The following TPH1 variants were observed in gnomAD, a reference collection of about 807,000 sequenced individuals.
The protein encoded by TPH1 is tryptophan 5-hydroxylase 1.
Under a neutral mutation model 49.5 loss-of-function variants are expected in TPH1, and 37 were observed. The ratio of observed to expected loss-of-function variants is 0.75; its 90% CI spans 0.58 to 0.98. TPH1 has a LOEUF of 0.98. Among genes scored for constraint, TPH1 ranks in the 50% least tolerant of loss-of-function variants. TPH1 has a pLI of 0.00. For synonymous variants in TPH1, 160 were observed against 182.1 expected, an observed-to-expected ratio of 0.88 and a Z score of 0.98; for missense variants, 487 against 523.6, an observed-to-expected ratio of 0.93 and a Z score of 0.68.
intron 2 of TPH1, among the ~76,000 whole-genome samples, chr11:18,040,047 T>C (rs1445214193): frequency 1.3e-5 from 2 of 151,300 alleles, no homozygotes; most frequent in Non-Finnish European, 2.9e-5. Context: ...TTAAATATAC[T>C]ATGACTATAT....
chr11:18,036,109 G>C lies in TPH1; in HGVS notation c.151C>G (p.Arg51Gly). 3.1e-6 allele frequency: 5 copies of C among 1,613,070 alleles called. No homozygotes were observed. Among genetic ancestry groups the C allele is most frequent in the Non-Finnish European group, 3.4e-6 (4 of 1,179,800 alleles). The change falls in exon 3 of 11, where the codon CGA becomes GGA. Residue 51 changes from arginine to glycine, a missense_variant. Transcript: ENST00000682019. ...TCTGAGTTTCTTCTTTTTGATTTTC[G>C]GGACTCGATATGTAACAGATTCACA... Reference protein sequence around the residue: ...KHVNLLHIESRKSKRRNSEFE... With the variant: ...KHVNLLHIESGKSKRRNSEFE...
intron 2 of TPH1, among the ~76,000 whole-genome samples, chr11:18,039,752 G>A (rs1448713236): frequency 1.3e-5 from 2 of 152,110 alleles, no homozygotes; most frequent in Non-Finnish European, 2.9e-5. Flanking sequence ...CACATCCTTA[G>A]TGTCTGGTGT....
rs931098659 is a variant in TPH1 at position 18,018,100 on chromosome 11, G to A, written c.*2891C>T. ...AAATTAGCGGGGCATGGTGAAGCAC[G>A]CCTGCAGTCCCAGGTTGCAGCGAGC... On this transcript the variant is annotated 3_prime_UTR_variant, in exon 11 of 11. Coordinates refer to ENST00000682019, the MANE Select transcript of TPH1 (RefSeq NM_004179.3). 4 of 151,862 alleles carry A rather than the reference G, an allele frequency of 2.6e-5. No individual in the cohort carries two copies. The highest frequency in any genetic ancestry group is 1.9e-4 in the East Asian group (1 of 5,158). The allele number at this position is 151,862 out of a possible 1,614,324, so 9.4% of individuals were successfully genotyped here. A position where few individuals can be genotyped will look rare whatever the true frequency, so the allele number is the denominator to read the frequency against.
chr11:18,023,992 G>T lies in TPH1; in HGVS notation c.931-9C>A, dbSNP rs951594436. ...ACAGTGAAAAAGTAGCACTGCAAAA[G>T]AACATCAATATTATTCTCACACACT... is the stretch of plus-strand genomic sequence containing the variant. On this transcript the variant is annotated splice_polypyrimidine_tract_variant and intron_variant, in intron 8 of 10. Transcript: ENST00000682019. 8.8e-6 allele frequency: 14 copies of T among 1,590,162 alleles called. No homozygotes were observed. Among genetic ancestry groups the T allele is most frequent in the African/African-American group, 4.0e-5 (3 of 74,442 alleles).
intron 3 of TPH1, among the ~76,000 whole-genome samples, chr11:18,035,386 CTTTCTTTTTCTTTCTTT>C (rs1405521235): frequency 1.1e-5 from 1 of 90,526 alleles, no homozygotes; most frequent in African/African-American, 4.5e-5. Context: ...TCTTTCTTTT[CTTTCTTTTTCTTTCTTT>C]TTTCTTTCTT....
At chr11:18,032,539 T>C (rs1308577364) in intron 4 of TPH1, among the ~76,000 whole-genome samples, 2 of 75,012 alleles carry the variant, frequency 2.7e-5, no homozygotes, top group Non-Finnish European at 5.7e-5. Flanking sequence ...GTTGAAATCT[T>C]TTTTTTTTTT....
chr11:18,045,734 G>A (rs1380028953), intron 1 of TPH1, among the ~76,000 whole-genome samples: 1 of 152,132 alleles, frequency 6.6e-6, no homozygotes, highest in Non-Finnish European at 1.5e-5. Context: ...TGGTGATGAT[G>A]GTAAGTGCGA....
chr11:18,021,251 C>G (rs933003620), intron 10 of TPH1, 86 bp from the exon 11 acceptor site: 76 of 1,393,854 alleles, frequency 5.5e-5, no homozygotes, highest in African/African-American at 1.4e-5. Flanking sequence ...ATTTCACATA[C>G]TAGGCAAAAA....
At chr11:18,039,203 T>C (rs183739129) in intron 2 of TPH1, among the ~76,000 whole-genome samples, 2 of 152,348 alleles carry the variant, frequency 1.3e-5, no homozygotes, top group African/African-American at 2.4e-5. Context: ...AGCTATATAA[T>C]AGTATGTCAT....
chr11:18,031,656 G>A (rs1292142521), intron 4 of TPH1, among the ~76,000 whole-genome samples: 1 of 152,094 alleles, frequency 6.6e-6, no homozygotes, highest in Non-Finnish European at 1.5e-5. Context: ...AAATACCTAG[G>A]AGGTGAAAAT....
chr11:18,026,561 A>C lies in TPH1; in HGVS notation c.732T>G (p.Gly244=). 6.2e-7 allele frequency: 1 copy of C among 1,614,072 alleles called. No homozygotes were observed. The highest frequency in any genetic ancestry group is 8.5e-7 in the Non-Finnish European group (1 of 1,179,980). Reference sequence around the variant, plus strand: ...TGCAGTGAAAAACTCGAAAGGCTAAACCTGATAAGAAATCTCTTGGTGATA... The same window carrying C: ...TGCAGTGAAAAACTCGAAAGGCTAACCCTGATAAGAAATCTCTTGGTGATA... ...GYLSPRDFLS[G]LAFRVFHCTQ... Residue 244 remains glycine (G), a synonymous_variant, in exon 7 of 11, where the codon GGT becomes GGG. Transcript: ENST00000682019.
At position 18,033,476 on chromosome 11, in the gene TPH1, A is replaced by G; in HGVS notation, c.302-102T>C. 3.1e-6 allele frequency: 3 copies of G among 954,242 alleles called. No homozygotes were observed. The Admixed American group carries it at 6.2e-5, about 20-fold the overall frequency. The allele number at this position is 954,242 out of a possible 1,614,324, so 59.1% of individuals were successfully genotyped here. A position where few individuals can be genotyped will look rare whatever the true frequency, so the allele number is the denominator to read the frequency against. On this transcript the variant is annotated intron_variant, in intron 3 of 10. Coordinates refer to ENST00000682019, the MANE Select transcript of TPH1 (RefSeq NM_004179.3). ...ATAAAATTAAATTCAGTTGGATGAG[A>G]GTTTTAATTTTAGCTTGTACATCAA...
At chr11:18,029,665 G>C (rs549338858) in intron 4 of TPH1, 86 bp from the exon 5 acceptor site, 225 of 1,072,764 alleles carry the variant, frequency 2.1e-4, no homozygotes, top group Non-Finnish European at 3.0e-4. Context: ...TATTACTAGA[G>C]CTATTATATT....
chr11:18,040,462 G>A (rs1848089374), intron 2 of TPH1, among the ~76,000 whole-genome samples, 184 bp downstream of exon 2: 1 of 151,268 alleles, frequency 6.6e-6, no homozygotes, highest in Non-Finnish European at 1.5e-5. Context: ...TGGACTCCCG[G>A]ACTGAAGCAA....
intron 1 of TPH1, chr11:18,042,295 G>A (rs1214656798): frequency 2.3e-6 from 1 of 440,196 alleles, no homozygotes; most frequent in Non-Finnish European, 4.5e-6. Context: ...TAAAAATTCA[G>A]GGATGGCCTC....
chr11:18,029,311 C>A lies in TPH1; in HGVS notation c.521G>T (p.Trp174Leu). ...VEFTEEEIKT[W>L]GTVFQELNKL... is the part of the protein sequence containing the mutation. ...GTTGAGCTCTTGGAATACGGTTCCC[C>A]AGGTCTTAATCTCCTCTTCAGTGAA... is the stretch of plus-strand genomic sequence containing the variant. Residue 174 changes from tryptophan (W) to leucine (L), a missense_variant, in exon 6 of 11, where the codon TGG becomes TTG. Transcript: ENST00000682019. 1 of 1,614,076 alleles carries A rather than the reference C, an allele frequency of 6.2e-7. No homozygotes were observed. The highest frequency in any genetic ancestry group is 8.5e-7 in the Non-Finnish European group (1 of 1,179,988).
At chr11:18,022,667 G>T in intron 10 of TPH1, 131 bp downstream of exon 10, 2 of 916,506 alleles carry the variant, frequency 2.2e-6, no homozygotes, top group Non-Finnish European at 3.5e-6. Flanking sequence ...GTTATGAAAG[G>T]AAGATGTGTT....
chr11:18,033,274 A>C lies in TPH1; in HGVS notation c.402T>G (p.Pro134=). The change falls in exon 4 of 11, where the codon CCT becomes CCG. Residue 134 remains proline, a splice_region_variant and synonymous_variant. Coordinates refer to ENST00000682019, the MANE Select transcript of TPH1 (RefSeq NM_004179.3). The part of the protein sequence containing the change: ...MYGSELDADH[P]GFKDNVYRKR... ...TCTTAAAAAAAAAGAAAATACTTACAGGATGGTCTGCATCTAGTTCAGATC... is the reference window on the plus strand; with the variant it reads ...TCTTAAAAAAAAAGAAAATACTTACCGGATGGTCTGCATCTAGTTCAGATC... The C allele has an allele frequency of 6.2e-7, 1 of 1,611,250 alleles. No individual in the cohort carries two copies. Among genetic ancestry groups the C allele is most frequent in the Non-Finnish European group, 8.5e-7 (1 of 1,177,460 alleles).
chr11:18,023,118 C>A, intron 9 of TPH1, 187 bp from the exon 10 acceptor site: 1 of 589,408 alleles, frequency 1.7e-6, no homozygotes, highest in South Asian at 2.0e-5. Context: ...CTTGCCCTTC[C>A]CTGTAAATAC....
Sources: gnomAD v4.1 joint callset for allele counts (sites outside exome capture counted in the v4.1 genomes callset) on GRCh38, gnomAD v4.1.1 for gene constraint, MANE v1.5 for transcripts, NCBI Gene and HGNC (gene_info 2026-07-23, HGNC 2026-07-21) for gene names.